Variants in FSIP2 observed in about 807,000 individuals in gnomAD.
FSIP2 encodes fibrous sheath-interacting protein 2.
In FSIP2, 367 loss-of-function variants were observed where a neutral mutation model predicts 510.5. The ratio of observed to expected loss-of-function variants is 0.72; its 90% CI spans 0.66 to 0.78. FSIP2 has a LOEUF of 0.78. Among genes scored for constraint, FSIP2 ranks in the 30% least tolerant of loss-of-function variants. The probability of loss-of-function intolerance (pLI) is 0.00; values close to 1 mark genes in which losing one functional copy is unlikely to be tolerated. For synonymous variants in FSIP2, 2,601 were observed against 2,732.2 expected, an observed-to-expected ratio of 0.95 and a Z score of 1.50; for missense variants, 7,594 against 7,901.7, an observed-to-expected ratio of 0.96 and a Z score of 1.48.
rs2105608934 is a variant in FSIP2, at chr2:185,788,952, G to A, written c.1816G>A (p.Val606Met). 6.5e-7 allele frequency: 1 copy of A among 1,534,916 alleles called. No individual in the cohort carries two copies. Among genetic ancestry groups the A allele is most frequent in the Non-Finnish European group, 8.7e-7 (1 of 1,146,000 alleles). Residue 606 changes from valine (V) to methionine (M), a missense_variant, in exon 16 of 23, where the codon GTG (valine) becomes ATG (methionine). By Grantham distance (21) the Val-to-Met change is conservative. Transcript: ENST00000424728. ...TTPIKPPPAH[V>M]EKTVVGKTCH... ...ACCTATAAAACCTCCTCCTGCACAT[G>A]TGGAAAAAACAGTTGTGGGGAAAAC...
At chr2:185,798,512 C>G (rs1161016856) in intron 16 of FSIP2, among the ~76,000 whole-genome samples, 1 of 151,782 alleles carries the variant, frequency 6.6e-6, no homozygotes, top group Non-Finnish European at 1.5e-5. Flanking sequence ...TATAATACCC[C>G]AGATCTAGGT....
chr2:185,793,768 CAG>C lies in FSIP2; in HGVS notation c.6635_6636del (p.Glu2212AlafsTer14). 1.3e-6 allele frequency: 2 copies of C among 1,533,058 alleles called. No homozygotes were observed. Among genetic ancestry groups the C allele is most frequent in the South Asian group, 1.2e-5 (1 of 83,768 alleles). The allele number at this position is 1,533,058 out of a possible 1,614,324, so 95.0% of individuals were successfully genotyped here. ...AAGGGGTCAAAAACTGAAAGAAAAA[CAG>C]AGCGTTTTTCATATTCAAGAAATCA... is the stretch of plus-strand genomic sequence containing the variant. On this transcript the variant is annotated frameshift_variant, in exon 16 of 23. Transcript: ENST00000424728. LOFTEE classifies it high-confidence loss of function.
chr2:185,801,416 C>T lies in FSIP2; in HGVS notation c.12110C>T (p.Pro4037Leu), dbSNP rs1693432006. The T allele has an allele frequency of 8.5e-6, 13 of 1,533,934 alleles. No homozygotes were observed. Among genetic ancestry groups the T allele is most frequent in the Non-Finnish European group, 1.1e-5 (13 of 1,145,482 alleles). ...GCTGAAGAAAGGCTGTGTTTTCCAC[C>T]AGTTCATACAGAAACTGTTAGCAAA... ...RNAEERLCFP[P>L]VHTETVSKIV... The change falls in exon 17 of 23, where the codon CCA becomes CTA. Residue 4037 changes from proline to leucine, a missense_variant. Coordinates refer to ENST00000424728, the MANE Select transcript of FSIP2 (RefSeq NM_173651.4).
chr2:185,757,151 A>G (rs1231852499), intron 9 of FSIP2, among the ~76,000 whole-genome samples: 5 of 151,428 alleles, frequency 3.3e-5, no homozygotes, highest in South Asian at 2.1e-4. Flanking sequence ...AATGTAGACA[A>G]TAAAACTAAG....
chr2:185,793,660 T>C lies in FSIP2; in HGVS notation c.6524T>C (p.Ile2175Thr), dbSNP rs1429114090. ...CTCAGTTCTGCTGCCACGCTTGTCA[T>C]AAATGCAAAGAATCCTACTTCTGCA... is the stretch of plus-strand genomic sequence containing the variant. Reference protein sequence around the residue: ...HNLSSAATLVINAKNPTSARL... With the variant: ...HNLSSAATLVTNAKNPTSARL... Residue 2175 changes from isoleucine (I) to threonine (T), a missense_variant, in exon 16 of 23, where the codon ATA (isoleucine) becomes ACA (threonine). Physicochemically the swap from Ile to Thr is moderately conservative, Grantham distance 89. Transcript: ENST00000424728. 2 of 1,534,818 alleles carry C rather than the reference T, an allele frequency of 1.3e-6. No homozygotes were observed. The highest frequency in any genetic ancestry group is 2.4e-5 in the South Asian group (2 of 84,038).
rs1692014555 is a variant in FSIP2, at chr2:185,745,634, G to C, written c.617+66G>C. Reference sequence around the variant, plus strand: ...GACCCAAATAAGCTGGAAAATACTAGAAAGAATTGAAGACAATTTAAGTAC... The same window carrying C: ...GACCCAAATAAGCTGGAAAATACTACAAAGAATTGAAGACAATTTAAGTAC... On this transcript the variant is annotated intron_variant, in intron 5 of 22. Coordinates refer to ENST00000424728, the MANE Select transcript of FSIP2 (RefSeq NM_173651.4). 6 of 1,336,836 alleles carry C rather than the reference G, an allele frequency of 4.5e-6. No homozygotes were observed. The South Asian group carries it at 8.7e-5, about 19-fold the overall frequency. 82.8% of individuals were successfully genotyped at this position (1,336,836 alleles called of 1,614,324 possible). A position where few individuals can be genotyped will look rare whatever the true frequency, so the allele number is the denominator to read the frequency against.
At chr2:185,816,200 ATT>A (rs74860943) in intron 19 of FSIP2, among the ~76,000 whole-genome samples, 81,857 of 148,924 alleles carry the variant, frequency 0.55, 22,486 homozygotes, top group South Asian at 0.64. Context: ...AAATCTAGTG[ATT>A]TTTTTTTTTT....
chr2:185,757,123 GCTCTA>G (rs757254401), intron 9 of FSIP2, among the ~76,000 whole-genome samples: 1 of 151,258 alleles, frequency 6.6e-6, no homozygotes, highest in Non-Finnish European at 1.5e-5. Context: ...GGCAATACCA[GCTCTA>G]CATCTTATAC....
intron 13 of FSIP2, among the ~76,000 whole-genome samples, chr2:185,778,569 T>G (rs1692776189): frequency 6.6e-6 from 1 of 152,018 alleles, no homozygotes; most frequent in Non-Finnish European, 1.5e-5. Context: ...TTGTTGGTGG[T>G]CATTTATAAT....
Position 185,764,822 on chromosome 2 carries a change from A to G in FSIP2, c.1411+257A>G, listed in dbSNP as rs145806258. 9.9e-4 allele frequency: 317 copies of G among 320,958 alleles called. 1 individual carries two copies. Among genetic ancestry groups the G allele is most frequent in the African/African-American group, 6.3e-3 (295 of 46,744 alleles). 19.9% of individuals were successfully genotyped at this position (320,958 alleles called of 1,614,324 possible). Reference sequence around the variant, plus strand: ...GGAAAGAGAATGCATAGACCTATCTAGGGTCATCATAGAAGCCTTTATAAT... The same window carrying G: ...GGAAAGAGAATGCATAGACCTATCTGGGGTCATCATAGAAGCCTTTATAAT... On this transcript the variant is annotated intron_variant, in intron 13 of 22. Transcript: ENST00000424728.
In FSIP2 at chr2:185,808,739, A is replaced by T; in HGVS notation, c.19433A>T (p.Asp6478Val). The T allele has an allele frequency of 6.2e-7, 1 of 1,612,666 alleles. No individual in the cohort carries two copies. Among genetic ancestry groups the T allele is most frequent in the African/African-American group, 1.3e-5 (1 of 74,942 alleles). The change falls in exon 17 of 23, where the codon GAT (aspartate) becomes GTT (valine). Residue 6478 changes from aspartate (D) to valine (V), a missense_variant. Coordinates refer to ENST00000424728, the MANE Select transcript of FSIP2 (RefSeq NM_173651.4). ...ATTAACTCAACAATTTCAAATGCTGATCTCTCTGGAGAGCTAGACGTTAAT... is the reference window on the plus strand; with the variant it reads ...ATTAACTCAACAATTTCAAATGCTGTTCTCTCTGGAGAGCTAGACGTTAAT... ...DTINSTISNA[D>V]LSGELDVNRI...
chr2:185,746,559 T>C, intron 5 of FSIP2, 110 bp from the exon 6 acceptor site: 1 of 808,136 alleles, frequency 1.2e-6, no homozygotes. Flanking sequence ...TTCTTGTAGT[T>C]CAAGAAATGA....
chr2:185,809,885 G>T (rs1693689810), intron 17 of FSIP2, among the ~76,000 whole-genome samples: 1 of 151,972 alleles, frequency 6.6e-6, no homozygotes, highest in African/African-American at 2.4e-5. Context: ...CAAAAATAAT[G>T]TCCTTATTAC....
Position 185,791,458 on chromosome 2 carries a change from A to T in FSIP2, c.4322A>T (p.His1441Leu). The T allele has an allele frequency of 6.5e-7, 1 of 1,534,278 alleles. No homozygotes were observed. The highest frequency in any genetic ancestry group is 1.2e-5 in the South Asian group (1 of 84,026). ...TTAGAAAGAATTGGGGAAACACTAC[A>T]TGAAATGTTAAGCAAGCTCCTGGGG... ...QVLERIGETL[H>L]EMLSKLLGTH... Residue 1441 changes from histidine (H) to leucine (L), a missense_variant, in exon 16 of 23, where the codon CAT becomes CTT. Transcript: ENST00000424728.
At chr2:185,831,177 C>T (rs898806850) in intron 21 of FSIP2, among the ~76,000 whole-genome samples, 31 of 152,006 alleles carry the variant, frequency 2.0e-4, no homozygotes, top group Middle Eastern at 3.4e-3. Flanking sequence ...AGAATAGCTA[C>T]AGAATTCTGG....
At chr2:185,768,011 T>C (rs568862687) in intron 13 of FSIP2, among the ~76,000 whole-genome samples, 44 of 152,286 alleles carry the variant, frequency 2.9e-4, no homozygotes, top group African/African-American at 1.1e-3. Context: ...TTCTTTTTCT[T>C]CACAATCTTG....
rs1277412100 is a variant in FSIP2, at chr2:185,791,549, A to G, written c.4413A>G (p.Lys1471=). 1 of 1,534,252 alleles carries G rather than the reference A, an allele frequency of 6.5e-7. No individual in the cohort carries two copies. Among genetic ancestry groups the G allele is most frequent in the Non-Finnish European group, 8.7e-7 (1 of 1,145,658 alleles). ...GAGAGATGACCAATAAGAATCAGAAAATGGCTGCTGCATTGCAGTCTAATA... is the reference window on the plus strand; with the variant it reads ...GAGAGATGACCAATAAGAATCAGAAGATGGCTGCTGCATTGCAGTCTAATA... The part of the protein sequence containing the change: ...QSREMTNKNQ[K]MAAALQSNIQ... Residue 1471 remains lysine (K), a synonymous_variant, in exon 16 of 23, where the codon AAA becomes AAG. Coordinates refer to ENST00000424728, the MANE Select transcript of FSIP2 (RefSeq NM_173651.4).
intron 6 of FSIP2, 100 bp from the exon 7 acceptor site, chr2:185,747,213 T>C: frequency 1.6e-6 from 1 of 644,968 alleles, no homozygotes; most frequent in Non-Finnish European, 2.7e-6. Flanking sequence ...TGATTTCTGT[T>C]AGGCCCTGAC....
intron 6 of FSIP2, among the ~76,000 whole-genome samples, chr2:185,747,107 A>G (rs58696152): frequency 0.31 from 47,673 of 151,906 alleles, 7,794 homozygotes; most frequent in Middle Eastern, 0.41. Flanking sequence ...TTTGAAATTT[A>G]GCTTTAGTAA....
Sources: gnomAD v4.1 joint callset for allele counts (sites outside exome capture counted in the v4.1 genomes callset) on GRCh38, gnomAD v4.1.1 for gene constraint, MANE v1.5 for transcripts, NCBI Gene and HGNC (gene_info 2026-07-23, HGNC 2026-07-21) for gene names.